The following PPEF1 variants were observed in gnomAD, a reference collection of about 807,000 sequenced individuals.
PPEF1 encodes the protein protein phosphatase with EF-hand domain 1.
PPEF1 carries 12 observed loss-of-function variants against 53.3 expected under a neutral mutation model. That is an observed-to-expected ratio of 0.23 (90% confidence interval 0.14 to 0.36). The LOEUF (loss-of-function observed/expected upper bound fraction) is 0.36, where lower values mean the gene tolerates loss of function less well. Among genes scored for constraint, PPEF1 ranks in the 10% least tolerant of loss-of-function variants. The probability of loss-of-function intolerance (pLI) is 1.00; values close to 1 mark genes in which losing one functional copy is unlikely to be tolerated. For missense variants in PPEF1, 334 were observed against 490.4 expected (o/e 0.68, Z 3.01); for synonymous variants, 165 against 176.7 (o/e 0.93, Z 0.52).
At chrX:18,777,475 G>T (rs1327156657) in intron 6 of PPEF1, among the ~76,000 whole-genome samples, 2 of 112,033 alleles carry the variant, frequency 1.8e-5, no homozygotes, top group African/African-American at 6.5e-5. Flanking sequence ...ATTTCCTGAA[G>T]GTAGCCATTT....
chrX:18,678,310 T>TGTA (rs1928754580), upstream of PPEF1, among the ~76,000 whole-genome samples: 1 of 108,780 alleles, frequency 9.2e-6, no homozygotes, highest in Admixed American at 9.9e-5. Flanking sequence ...GGCGCACACC[T>TGTA]GTAGTCCCAG....
chrX:18,698,281 A>G (rs1413358465), intron 5 of PPEF1, among the ~76,000 whole-genome samples: 4 of 112,238 alleles, frequency 3.6e-5, no homozygotes, highest in South Asian at 3.7e-4. Flanking sequence ...TCTTTCTACA[A>G]TGGAAAAATA....
At chrX:18,733,357 G>T (rs977225938) in intron 2 of PPEF1, among the ~76,000 whole-genome samples, 8 of 112,081 alleles carry the variant, frequency 7.1e-5, no homozygotes, top group Non-Finnish European at 1.5e-4. Context: ...AGTGAGGAAT[G>T]CGAGACAGGA....
At chrX:18,675,929 T>C (rs1001032498) in exon 1 of PPEF1, 1 of 78,164 alleles carries the variant, frequency 1.3e-5, no homozygotes, top group East Asian at 4.9e-4. Flanking sequence ...ATTCTCAAGC[T>C]TGAAAACCCA....
At chrX:18,724,484 C>T (rs1294282776) in intron 1 of PPEF1, among the ~76,000 whole-genome samples, 1 of 111,980 alleles carries the variant, frequency 8.9e-6, no homozygotes, top group African/African-American at 3.2e-5. Flanking sequence ...AAACAAAAAA[C>T]CAGCTTGGCA....
intron 1 of PPEF1, among the ~76,000 whole-genome samples, chrX:18,708,187 G>A (rs1341007247): frequency 1.8e-5 from 2 of 112,086 alleles, no homozygotes; most frequent in Non-Finnish European, 3.8e-5. Flanking sequence ...ACATTTAGTA[G>A]CATCATTGAA....
intron 6 of PPEF1, among the ~76,000 whole-genome samples, chrX:18,776,255 A>G (rs781177308): frequency 6.2e-5 from 6 of 97,344 alleles, no homozygotes; most frequent in African/African-American, 2.3e-4. Context: ...TTTGTTTTAG[A>G]CAGGGTCTCA....
chrX:18,755,563 T>TC (rs201673494), intron 4 of PPEF1, among the ~76,000 whole-genome samples: 1 of 109,563 alleles, frequency 9.1e-6, no homozygotes, highest in Non-Finnish European at 1.9e-5. Context: ...TGAGACTCCA[T>TC]CCCCCCCAGC....
At chrX:18,697,779 G>A (rs1307569494) in intron 4 of PPEF1, 2 of 110,927 alleles carry the variant, frequency 1.8e-5, no homozygotes, top group Admixed American at 1.9e-4. Context: ...TACATAGGAG[G>A]TGCTTGCCAC....
chrX:18,788,211 A>G (rs1351664427), intron 9 of PPEF1, among the ~76,000 whole-genome samples: 2 of 102,664 alleles, frequency 1.9e-5, no homozygotes, highest in Non-Finnish European at 3.9e-5. Context: ...GTGCTGAGGC[A>G]GGAGAATGGC....
Position 18,804,047 on chromosome X carries a change from C to T in PPEF1, c.1221C>T (p.Pro407=), listed in dbSNP as rs776408404. 8.3e-6 allele frequency: 10 copies of T among 1,201,733 alleles called. No individual in the cohort carries two copies. In the Admixed American group the frequency reaches 1.1e-4, roughly 13 times the overall value. The part of the protein sequence containing the change: ...KMLIRSHECK[P]EGYEICHDGK... Reference sequence around the variant, plus strand: ...TCATCAGGTCTCATGAATGTAAGCCCGAAGGGTATGAAATCTGTCATGATG... The same window carrying T: ...TCATCAGGTCTCATGAATGTAAGCCTGAAGGGTATGAAATCTGTCATGATG... Residue 407 remains proline (P), a synonymous_variant, in exon 11 of 16, where the codon CCC becomes CCT. Coordinates refer to ENST00000470157, the MANE Select transcript of PPEF1 (RefSeq NM_001377996.1).
At chrX:18,774,309 G>A (rs190429711) in intron 6 of PPEF1, among the ~76,000 whole-genome samples, 4 of 111,938 alleles carry the variant, frequency 3.6e-5, no homozygotes, top group South Asian at 7.4e-4. Flanking sequence ...GGCTGGTCTC[G>A]AACTCCCAAC....
chrX:18,749,168 G>A (rs2045389495), intron 3 of PPEF1, among the ~76,000 whole-genome samples: 1 of 111,919 alleles, frequency 8.9e-6, no homozygotes, highest in African/African-American at 3.2e-5. Flanking sequence ...ATGTAGAACT[G>A]TCTCTCCGAG....
chrX:18,815,515 A>G (rs1036663593), intron 12 of PPEF1, among the ~76,000 whole-genome samples: 1 of 111,837 alleles, frequency 8.9e-6, no homozygotes, highest in Non-Finnish European at 1.9e-5. Flanking sequence ...TGTTACAGGC[A>G]TGTTCAGTTT....
chrX:18,712,859 T>C (rs767877074), intron 1 of PPEF1, among the ~76,000 whole-genome samples: 34 of 112,290 alleles, frequency 3.0e-4, no homozygotes, highest in Admixed American at 7.6e-4. Flanking sequence ...TCTCTGCATG[T>C]ATTGAGATGA....
chrX:18,777,503 C>CT (rs2045990120), intron 6 of PPEF1, among the ~76,000 whole-genome samples: 1 of 111,108 alleles, frequency 9.0e-6, no homozygotes, highest in African/African-American at 3.3e-5. Context: ...CTTTTCTTTT[C>CT]TTTTTTCTTT....
intron 5 of PPEF1, among the ~76,000 whole-genome samples, chrX:18,699,415 G>A (rs1456881001): frequency 1.8e-5 from 2 of 111,669 alleles, no homozygotes; most frequent in African/African-American, 6.5e-5. Flanking sequence ...GTAAATTTTA[G>A]CTGGCAAAGC....
intron 2 of PPEF1, chrX:18,686,133 A>G (rs1272707681): frequency 8.9e-6 from 1 of 112,224 alleles, no homozygotes; most frequent in Non-Finnish European, 1.9e-5. Context: ...TTTTTCTTCT[A>G]ACAGTATCAG....
rs767213769 is a variant in PPEF1 at position 18,718,564 on chromosome X, C to T, written c.46+10738C>T. 8.1e-5 allele frequency among the ~76,000 whole-genome samples: 9 copies of T among 111,021 alleles called. No homozygotes were observed. In the South Asian group the frequency reaches 1.5e-3, roughly 19 times the overall value. On this transcript the variant is annotated intron_variant, in intron 1 of 15. Coordinates refer to ENST00000470157, the MANE Select transcript of PPEF1 (RefSeq NM_001377996.1). ...ATGATCGTACCACTGCACTCCAGCC[C>T]GGGCAACAGAGCAAGACATTGTCTC...
Sources: gnomAD v4.1 joint callset for allele counts (sites outside exome capture counted in the v4.1 genomes callset) on GRCh38, gnomAD v4.1.1 for gene constraint, MANE v1.5 for transcripts, NCBI Gene and HGNC (gene_info 2026-07-23, HGNC 2026-07-21) for gene names.